The following LRBA variants were observed in gnomAD, a reference collection of about 807,000 sequenced individuals.
The protein encoded by LRBA is LPS responsive beige-like anchor protein.
A neutral mutation model predicts 330.0 loss-of-function variants in LRBA; 176 were observed. The observed-to-expected ratio is 0.53, with a 90% CI of 0.47 to 0.60. LRBA has a LOEUF of 0.60. LRBA is among the 20% of genes least tolerant of loss of function. The pLI is 0.00. For synonymous variants in LRBA, 1,230 were observed against 1,193.0 expected (o/e 1.03, Z -0.64); for missense variants, 3,259 against 3,444.8 (o/e 0.95, Z 1.35).
chr4:150,639,771 A>ATGTG (rs1440655217), intron 37 of LRBA, among the ~76,000 whole-genome samples: 181 of 8,016 alleles, frequency 0.023, 15 homozygotes, highest in African/African-American at 0.046. Context: ...ATATATATAT[A>ATGTG]TATATATATA....
chr4:150,832,706 G>A (rs1407152814), intron 28 of LRBA, among the ~76,000 whole-genome samples: 1 of 151,988 alleles, frequency 6.6e-6, no homozygotes, highest in Non-Finnish European at 1.5e-5. Flanking sequence ...CAATAAAAGT[G>A]CCAAAAAATA....
At chr4:150,895,150 T>C (rs891830942) in intron 16 of LRBA, among the ~76,000 whole-genome samples, 2 of 152,166 alleles carry the variant, frequency 1.3e-5, no homozygotes, top group African/African-American at 4.8e-5. Flanking sequence ...TTCCATCAAT[T>C]CCTAAGTTTT....
chr4:150,435,391 C>T (rs1750982086), intron 46 of LRBA, among the ~76,000 whole-genome samples, 198 bp downstream of exon 46: 1 of 151,514 alleles, frequency 6.6e-6, no homozygotes, highest in Non-Finnish European at 1.5e-5. Context: ...AAAACAATAA[C>T]AACAAAAACT....
At chr4:150,460,566 AAACAAAC>A (rs920101285) in intron 44 of LRBA, among the ~76,000 whole-genome samples, 2 of 151,846 alleles carry the variant, frequency 1.3e-5, no homozygotes, top group African/African-American at 4.8e-5. Context: ...AAACGAAACA[AAACAAAC>A]ATGATTTCTT....
intron 5 of LRBA, among the ~76,000 whole-genome samples, chr4:150,920,114 G>A (rs1183825571): frequency 6.6e-6 from 1 of 152,120 alleles, no homozygotes; most frequent in Admixed American, 6.6e-5. Context: ...TATCACAAAT[G>A]TCATATTAAA....
chr4:150,564,733 G>A (rs1049135307), intron 40 of LRBA, among the ~76,000 whole-genome samples: 48 of 152,118 alleles, frequency 3.2e-4, no homozygotes, highest in African/African-American at 1.1e-3. Context: ...GATATGAACA[G>A]ACACTTCTCA....
intron 9 of LRBA, among the ~76,000 whole-genome samples, chr4:150,913,756 A>G (rs1732269742): frequency 6.6e-6 from 1 of 152,222 alleles, no homozygotes; most frequent in Non-Finnish European, 1.5e-5. Flanking sequence ...AACTGACCCT[A>G]TCATCATAAA....
chr4:150,690,282 T>A (rs1485032800), intron 36 of LRBA, among the ~76,000 whole-genome samples: 1 of 151,942 alleles, frequency 6.6e-6, no homozygotes, highest in Non-Finnish European at 1.5e-5. Flanking sequence ...GGCAGGTAGA[T>A]CACAAGGTCA....
At chr4:150,576,351 G>A (rs1319035402) in intron 40 of LRBA, among the ~76,000 whole-genome samples, 1 of 151,786 alleles carries the variant, frequency 6.6e-6, no homozygotes, top group Admixed American at 6.6e-5. Flanking sequence ...ACGATTTCTT[G>A]GTAAGGTCAA....
chr4:150,414,558 T>C (rs762917444), intron 47 of LRBA, among the ~76,000 whole-genome samples: 2 of 152,146 alleles, frequency 1.3e-5, no homozygotes, highest in African/African-American at 4.8e-5. Context: ...TGGCATGATA[T>C]CAGCTCACTG....
chr4:150,899,611 G>A (rs1730502682), intron 14 of LRBA, among the ~76,000 whole-genome samples: 1 of 152,078 alleles, frequency 6.6e-6, no homozygotes, highest in South Asian at 2.1e-4. Flanking sequence ...GAAAATAATT[G>A]CTAACATTTT....
chr4:150,387,464 C>T (rs1281740381), intron 47 of LRBA, among the ~76,000 whole-genome samples: 1 of 152,052 alleles, frequency 6.6e-6, no homozygotes, highest in Admixed American at 6.6e-5. Context: ...TGATAAACTG[C>T]AATTTGTAAT....
At chr4:150,520,052 C>A (rs143108509) in intron 40 of LRBA, among the ~76,000 whole-genome samples, 1 of 152,038 alleles carries the variant, frequency 6.6e-6, no homozygotes, top group Non-Finnish European at 1.5e-5. Flanking sequence ...TATTGATTTG[C>A]TAATATTTAG....
chr4:150,654,085 G>A (rs1779953450), intron 37 of LRBA, among the ~76,000 whole-genome samples: 1 of 151,848 alleles, frequency 6.6e-6, no homozygotes, highest in African/African-American at 2.4e-5. Flanking sequence ...ATTTCCTTTG[G>A]CTTCCAATTC....
At chr4:150,514,318 C>A (rs748856052) in intron 40 of LRBA, among the ~76,000 whole-genome samples, 1 of 152,122 alleles carries the variant, frequency 6.6e-6, no homozygotes, top group Admixed American at 6.6e-5. Flanking sequence ...GTGATCCACC[C>A]GCCTTGGCCT....
intron 54 of LRBA, among the ~76,000 whole-genome samples, chr4:150,283,027 G>C (rs1196234704): frequency 6.6e-6 from 1 of 152,188 alleles, no homozygotes; most frequent in Non-Finnish European, 1.5e-5. Context: ...CTGCGGGCAG[G>C]TACACTAAGA....
intron 22 of LRBA, among the ~76,000 whole-genome samples, chr4:150,857,661 T>C (rs1751385172): frequency 6.6e-6 from 1 of 152,172 alleles, no homozygotes; most frequent in Non-Finnish European, 1.5e-5. Flanking sequence ...TCATCATTGG[T>C]CAATGATAAG....
At chr4:150,305,077 G>A (rs916377304) in intron 52 of LRBA, among the ~76,000 whole-genome samples, 5 of 152,174 alleles carry the variant, frequency 3.3e-5, no homozygotes, top group Admixed American at 6.5e-5. Context: ...ACAATCAGTG[G>A]GTTGTAGGAG....
At chr4:150,547,365 C>T (rs995677586) in intron 40 of LRBA, among the ~76,000 whole-genome samples, 1 of 152,050 alleles carries the variant, frequency 6.6e-6, no homozygotes, top group East Asian at 1.9e-4. Flanking sequence ...GACATATTTG[C>T]CCAAGATGCA....
Sources: allele counts gnomAD v4.1 joint callset (sites outside exome capture counted in the v4.1 genomes callset), GRCh38; gene constraint gnomAD v4.1.1; transcripts MANE v1.5; gene names NCBI Gene and HGNC (gene_info 2026-07-23, HGNC 2026-07-21).